The following BCHE variants were observed in gnomAD, a reference collection of about 807,000 sequenced individuals.
The protein encoded by BCHE is butyrylcholinesterase.
Under a neutral mutation model 51.3 loss-of-function variants are expected in BCHE, and 48 were observed. The ratio of observed to expected loss-of-function variants is 0.94; its 90% CI spans 0.74 to 1.19. The LOEUF (loss-of-function observed/expected upper bound fraction) is 1.19. Ranked by LOEUF, BCHE falls within the 50% of genes most tolerant of loss-of-function variation. The pLI is 0.00. For synonymous variants in BCHE, 251 were observed against 238.0 expected (o/e 1.05, Z -0.50); for missense variants, 847 against 708.2 (o/e 1.20, Z -2.23).
At chr3:165,835,804 T>C (rs1175042133) in intron 1 of BCHE, among the ~76,000 whole-genome samples, 1 of 151,942 alleles carries the variant, frequency 6.6e-6, no homozygotes, top group Non-Finnish European at 1.5e-5. Context: ...ATTGTGTGAA[T>C]AATTTGAACA....
intron 2 of BCHE, among the ~76,000 whole-genome samples, chr3:165,825,868 T>C (rs1714704207): frequency 2.0e-5 from 3 of 151,840 alleles, no homozygotes; most frequent in Admixed American, 2.0e-4. Flanking sequence ...ATAGAAAAAA[T>C]ACCAATGACC....
intron 2 of BCHE, among the ~76,000 whole-genome samples, chr3:165,814,794 A>C (rs917637729): frequency 6.6e-6 from 1 of 152,024 alleles, no homozygotes; most frequent in Non-Finnish European, 1.5e-5. Context: ...AGTGAAAACA[A>C]AGCAAAACAC....
At chr3:165,800,200 ATGT>A (rs1414615519) in intron 2 of BCHE, among the ~76,000 whole-genome samples, 2 of 152,096 alleles carry the variant, frequency 1.3e-5, no homozygotes, top group Admixed American at 1.3e-4. Context: ...TCTTGAAGTA[ATGT>A]TGTCTAATCT....
intron 2 of BCHE, among the ~76,000 whole-genome samples, chr3:165,797,460 T>C (rs1275161043): frequency 2.0e-5 from 3 of 150,736 alleles, no homozygotes; most frequent in Non-Finnish European, 2.9e-5. Context: ...AGATGCATTA[T>C]GTTTGTACCC....
chr3:165,803,539 T>A (rs145887906), intron 2 of BCHE, among the ~76,000 whole-genome samples: 1 of 152,226 alleles, frequency 6.6e-6, no homozygotes, highest in Non-Finnish European at 1.5e-5. Flanking sequence ...TCCCAGACTA[T>A]ATTTCTTACT....
At chr3:165,824,108 G>T (rs953387028) in intron 2 of BCHE, among the ~76,000 whole-genome samples, 5 of 151,374 alleles carry the variant, frequency 3.3e-5, no homozygotes, top group African/African-American at 9.7e-5. Flanking sequence ...GCTTTACAAA[G>T]AAATTAAAAT....
Position 165,830,317 on chromosome 3 carries a change from A to G in BCHE, c.717T>C (p.Pro239=), listed in dbSNP as rs187613357. 1 of 1,614,034 alleles carries G rather than the reference A, an allele frequency of 6.2e-7. No individual in the cohort carries two copies. The highest frequency in any genetic ancestry group is 1.7e-5 in the Admixed American group (1 of 59,978). ...CTCTGGTGAACAATGAATGGCTTCC[A>G]GGAGAAAGCAAATGCAGGCTAACTG... ...AASVSLHLLS[P]GSHSLFTRAI... is the part of the protein sequence containing the mutation. The change falls in exon 2 of 4, where the codon CCT becomes CCC. Residue 239 remains proline, a synonymous_variant. Coordinates refer to ENST00000264381, the MANE Select transcript of BCHE (RefSeq NM_000055.4).
intron 2 of BCHE, among the ~76,000 whole-genome samples, chr3:165,801,665 C>G (rs1713653211): frequency 6.6e-6 from 1 of 152,040 alleles, no homozygotes; most frequent in African/African-American, 2.4e-5. Context: ...GTATTCCTGC[C>G]AATAGTATAT....
chr3:165,776,036 C>G (rs1408890540), intron 3 of BCHE, among the ~76,000 whole-genome samples: 1 of 151,724 alleles, frequency 6.6e-6, no homozygotes, highest in Non-Finnish European at 1.5e-5. Context: ...TCAACATCAG[C>G]AATATTCATG....
At chr3:165,784,940 G>A (rs1712887218) in intron 3 of BCHE, among the ~76,000 whole-genome samples, 1 of 151,654 alleles carries the variant, frequency 6.6e-6, no homozygotes, top group Non-Finnish European at 1.5e-5. Flanking sequence ...TACACCCGGA[G>A]GACAAAAGGA....
At chr3:165,806,076 T>C (rs1713854232) in intron 2 of BCHE, among the ~76,000 whole-genome samples, 1 of 152,040 alleles carries the variant, frequency 6.6e-6, no homozygotes, top group South Asian at 2.1e-4. Flanking sequence ...TATGCCATTC[T>C]CTCTTCTGCA....
chr3:165,809,715 T>C (rs902805640), intron 2 of BCHE, among the ~76,000 whole-genome samples: 2 of 152,082 alleles, frequency 1.3e-5, no homozygotes, highest in Non-Finnish European at 2.9e-5. Context: ...AACACAAGGG[T>C]AGCTTACTAT....
intron 2 of BCHE, among the ~76,000 whole-genome samples, chr3:165,798,472 C>T (rs1481270005): frequency 6.6e-6 from 1 of 152,090 alleles, no homozygotes; most frequent in Non-Finnish European, 1.5e-5. Flanking sequence ...ACTCAGTTAA[C>T]ATTCACTATA....
At chr3:165,815,556 C>A (rs976616800) in intron 2 of BCHE, among the ~76,000 whole-genome samples, 5 of 151,992 alleles carry the variant, frequency 3.3e-5, no homozygotes, top group Admixed American at 6.6e-5. Context: ...TTAGCAATAG[C>A]TAGCAAATGT....
chr3:165,811,672 TA>T (rs931673991), intron 2 of BCHE, among the ~76,000 whole-genome samples: 5 of 152,010 alleles, frequency 3.3e-5, no homozygotes, highest in Non-Finnish European at 7.4e-5. Flanking sequence ...AACAATATAA[TA>T]ATTTAGAATA....
intron 2 of BCHE, among the ~76,000 whole-genome samples, chr3:165,822,689 A>G (rs1218752679): frequency 1.3e-5 from 2 of 152,066 alleles, no homozygotes; most frequent in Non-Finnish European, 2.9e-5. Flanking sequence ...GCACCAAGGG[A>G]GGATATTGTA....
At chr3:165,777,591 C>T in intron 3 of BCHE, 1 of 235,950 alleles carries the variant, frequency 4.2e-6, no homozygotes, top group Non-Finnish European at 8.9e-6. Flanking sequence ...CAAGTTTCTC[C>T]AAAGCAAATC....
At chr3:165,802,162 A>T (rs1356715052) in intron 2 of BCHE, among the ~76,000 whole-genome samples, 1 of 152,184 alleles carries the variant, frequency 6.6e-6, no homozygotes. Context: ...AGCTGGTTGA[A>T]TTTGCATGAA....
intron 2 of BCHE, among the ~76,000 whole-genome samples, chr3:165,811,952 G>T (rs180994382): frequency 6.6e-6 from 1 of 151,962 alleles, no homozygotes; most frequent in Admixed American, 6.6e-5. Context: ...TACTCCTTTT[G>T]TTCCTTTCTG....
Sources: allele counts gnomAD v4.1 joint callset (sites outside exome capture counted in the v4.1 genomes callset), GRCh38; gene constraint gnomAD v4.1.1; transcripts MANE v1.5; gene names NCBI Gene and HGNC (gene_info 2026-07-23, HGNC 2026-07-21).